The following SMAD6 variants were observed in gnomAD, a reference collection of about 807,000 sequenced individuals.
SMAD6 encodes SMAD family member 6.
Under a neutral mutation model 39.4 loss-of-function variants are expected in SMAD6, and 103 were observed. That is an observed-to-expected ratio of 2.62 (90% CI 2.23 to 3.08). The LOEUF is 3.08. Ranked by LOEUF, SMAD6 falls within the 30% of genes most tolerant of loss-of-function variation. The probability of loss-of-function intolerance (pLI) is 0.00; values close to 1 mark genes in which losing one functional copy is unlikely to be tolerated. For missense variants in SMAD6, 1,104 were observed against 742.9 expected (o/e 1.49, Z -5.65); for synonymous variants, 445 against 353.3 (o/e 1.26, Z -2.91).
intron 3 of SMAD6, among the ~76,000 whole-genome samples, chr15:66,772,964 G>T (rs1894403484): frequency 1.3e-5 from 2 of 152,150 alleles, no homozygotes; most frequent in African/African-American, 4.8e-5. Context: ...GTTCTGTCAT[G>T]CTGCCCTCCT....
Position 66,704,094 on chromosome 15 carries a change from C to A in SMAD6, c.817+19C>A. 1 of 1,430,004 alleles carries A rather than the reference C, an allele frequency of 7.0e-7. No individual in the cohort carries two copies. 88.6% of individuals were successfully genotyped at this position (1,430,004 alleles called of 1,614,324 possible). Reference sequence around the variant, plus strand: ...GGGCCCGGTGAGCGCGCTGCGCCGGCCGGGGGGGCCCCGGGTCCCCGTCCC... The same window carrying A: ...GGGCCCGGTGAGCGCGCTGCGCCGGACGGGGGGGCCCCGGGTCCCCGTCCC... On this transcript the variant is annotated intron_variant, in intron 1 of 3. Transcript: ENST00000288840.
In SMAD6 at chr15:66,715,995, GAAGGAAGA is replaced by G. The variant is rs546452724; in HGVS notation, c.875-418_875-411del. The stretch of plus-strand genomic sequence containing the variant: ...GCCCTAGCGGGAGGGAGGAAGGAAG[GAAGGAAGA>G]AAGGAAGGAAGGAAGCAAGAAGGAA... On this transcript the variant is annotated intron_variant, in intron 2 of 3. Coordinates refer to ENST00000288840, the MANE Select transcript of SMAD6 (RefSeq NM_005585.5). 4.6e-3 allele frequency among the ~76,000 whole-genome samples: 697 copies of G among 152,230 alleles called. 2 individuals are homozygous for G. The highest frequency in any genetic ancestry group is 8.7e-3 in the South Asian group (42 of 4,818).
At chr15:66,742,228 TTCTC>T (rs2140637719) in intron 3 of SMAD6, among the ~76,000 whole-genome samples, 1 of 152,248 alleles carries the variant, frequency 6.6e-6, no homozygotes, top group South Asian at 2.1e-4. Context: ...CCTCTCCCCT[TTCTC>T]AGCCTACTTC....
rs116341305 is a variant in SMAD6 at position 66,750,080 on chromosome 15, A to G, written c.953-30917A>G. On this transcript the variant is annotated intron_variant, in intron 3 of 3. Coordinates refer to ENST00000288840, the MANE Select transcript of SMAD6 (RefSeq NM_005585.5). ...AACCAGTGGCCCTGTATCGATTGCC[A>G]GCTTACCTTGTGGGCTGCTGTGGGG... Among the ~76,000 whole-genome samples the G allele has an allele frequency of 6.3e-3, 965 of 152,250 alleles. 8 individuals are homozygous for G. The highest frequency in any genetic ancestry group is 0.022 in the African/African-American group (895 of 41,560).
intron 3 of SMAD6, among the ~76,000 whole-genome samples, chr15:66,761,730 T>A (rs963912187): frequency 2.0e-5 from 3 of 152,164 alleles, no homozygotes; most frequent in African/African-American, 7.2e-5. Flanking sequence ...GAGGTCAGGC[T>A]GAATAATCTC....
chr15:66,771,726 T>C (rs1894383059), intron 3 of SMAD6, among the ~76,000 whole-genome samples: 1 of 152,234 alleles, frequency 6.6e-6, no homozygotes, highest in African/African-American at 2.4e-5. Context: ...CTCCTGGACT[T>C]GCACAGTTCA....
intron 3 of SMAD6, among the ~76,000 whole-genome samples, chr15:66,755,459 C>T (rs1894080761): frequency 6.6e-6 from 1 of 152,216 alleles, no homozygotes; most frequent in African/African-American, 2.4e-5. Flanking sequence ...ATGATTCCTT[C>T]TGCTCAAGTT....
chr15:66,729,484 T>G (rs1457137935), intron 3 of SMAD6, among the ~76,000 whole-genome samples: 2 of 151,790 alleles, frequency 1.3e-5, no homozygotes, highest in South Asian at 2.1e-4. Context: ...TTGCTGGGAG[T>G]TGGGTCAAGA....
At chr15:66,715,026 T>C (rs1182472928) in intron 2 of SMAD6, among the ~76,000 whole-genome samples, 1 of 122,212 alleles carries the variant, frequency 8.2e-6, no homozygotes, top group Non-Finnish European at 1.6e-5. Flanking sequence ...ACTTGAGCAC[T>C]GAGCTTTTTT....
intron 2 of SMAD6, among the ~76,000 whole-genome samples, chr15:66,713,048 C>T (rs2140598486): frequency 6.6e-6 from 1 of 152,262 alleles, no homozygotes; most frequent in Non-Finnish European, 1.5e-5. Context: ...TCTCTGTTTC[C>T]TCTAGTGGGG....
Position 66,719,155 on chromosome 15 carries a change from A to G in SMAD6, c.952+2657A>G, listed in dbSNP as rs749065463. The stretch of plus-strand genomic sequence containing the variant: ...GAAACTGAGGCTCATTGCTGGGCCA[A>G]CTGCCCATAATGTAAGTGGAAGGCT... On this transcript the variant is annotated intron_variant, in intron 3 of 3. Transcript: ENST00000288840. Among the ~76,000 whole-genome samples, 11 of 152,202 alleles carry G rather than the reference A, an allele frequency of 7.2e-5. 1 individual carries two copies. Among genetic ancestry groups the G allele is most frequent in the Admixed American group, 3.3e-4 (5 of 15,286 alleles).
intron 3 of SMAD6, among the ~76,000 whole-genome samples, chr15:66,727,755 TAG>T (rs1177711228): frequency 6.6e-6 from 1 of 152,130 alleles, no homozygotes; most frequent in Non-Finnish European, 1.5e-5. Flanking sequence ...CCCCAAAGTG[TAG>T]AGTTTTTTTG....
chr15:66,715,995 G>A (rs1567096261), intron 2 of SMAD6, among the ~76,000 whole-genome samples: 3 of 152,230 alleles, frequency 2.0e-5, no homozygotes, highest in African/African-American at 4.8e-5. Flanking sequence ...AGGAAGGAAG[G>A]AAGGAAGAAA....
At chr15:66,774,289 G>A (rs1298932221) in intron 3 of SMAD6, among the ~76,000 whole-genome samples, 3 of 152,224 alleles carry the variant, frequency 2.0e-5, no homozygotes, top group African/African-American at 4.8e-5. Context: ...TCGAAGAAGC[G>A]AAAAGGCTTT....
In SMAD6 at chr15:66,703,807, C is replaced by T; in HGVS notation, c.549C>T (p.Leu183=). Residue 183 remains leucine (L), a synonymous_variant, in exon 1 of 4, where the codon CTC becomes CTT. Transcript: ENST00000288840. ...TCACGTACTCGCTGCTGAAGCGGCT[C>T]AAGGAGCGCTCGCTGGACACGCTGC... ...KTVTYSLLKR[L]KERSLDTLLE... 2 of 1,434,420 alleles carry T rather than the reference C, an allele frequency of 1.4e-6. No homozygotes were observed. The highest frequency in any genetic ancestry group is 1.4e-5 in the South Asian group (1 of 72,304). The allele number at this position is 1,434,420 out of a possible 1,614,324, so 88.9% of individuals were successfully genotyped here.
intron 3 of SMAD6, among the ~76,000 whole-genome samples, chr15:66,731,975 G>T (rs544046306): frequency 2.8e-5 from 4 of 140,520 alleles, no homozygotes; most frequent in African/African-American, 5.4e-5. Context: ...ACAGAGTCTC[G>T]TGCCATCACC....
intron 3 of SMAD6, among the ~76,000 whole-genome samples, chr15:66,727,694 C>T (rs1025746830): frequency 1.2e-4 from 18 of 152,180 alleles, no homozygotes; most frequent in Admixed American, 1.0e-3. Context: ...CCCAGAAATC[C>T]TTTTAATTGA....
At position 66,781,064 on chromosome 15, in the gene SMAD6, G is replaced by A; in HGVS notation, c.1020G>A (p.Arg340=). 1 of 1,604,124 alleles carries A rather than the reference G, an allele frequency of 6.2e-7. No individual in the cohort carries two copies. ...HWCSVAYWEH[R]TRVGRLYAVY... ...GCAGCGTGGCGTACTGGGAGCACCGGACGCGCGTGGGCCGCCTCTATGCGG... is the reference window on the plus strand; with the variant it reads ...GCAGCGTGGCGTACTGGGAGCACCGAACGCGCGTGGGCCGCCTCTATGCGG... Residue 340 remains arginine (R), a synonymous_variant, in exon 4 of 4, where the codon CGG becomes CGA. Transcript: ENST00000288840.
chr15:66,739,419 G>A (rs1024725404), intron 3 of SMAD6, among the ~76,000 whole-genome samples: 4 of 152,188 alleles, frequency 2.6e-5, no homozygotes, highest in Admixed American at 2.0e-4. Context: ...CCAACACAGA[G>A]CCCCTTCTGT....
Sources: allele counts gnomAD v4.1 joint callset (sites outside exome capture counted in the v4.1 genomes callset), GRCh38; gene constraint gnomAD v4.1.1; transcripts MANE v1.5; gene names NCBI Gene and HGNC (gene_info 2026-07-23, HGNC 2026-07-21).